Variants in THOC5 observed in about 807,000 individuals in gnomAD.
THOC5 encodes the protein Fms-interacting protein.
Under a neutral mutation model 92.9 loss-of-function variants are expected in THOC5, and 43 were observed. The ratio of observed to expected loss-of-function variants is 0.46; its 90% confidence interval spans 0.36 to 0.60. The LOEUF is 0.60. Among genes scored for constraint, THOC5 ranks in the 20% least tolerant of loss-of-function variants. THOC5 has a pLI of 0.00. For synonymous variants in THOC5, 296 were observed against 320.1 expected, an observed-to-expected ratio of 0.92 and a Z score of 0.80; for missense variants, 659 against 849.4, an observed-to-expected ratio of 0.78 and a Z score of 2.79.
rs1294228676 is a variant in THOC5, at chr22:29,519,043, C to T, written c.1452G>A (p.Gln484=). The T allele has an allele frequency of 6.2e-7, 1 of 1,610,338 alleles. No homozygotes were observed. The highest frequency in any genetic ancestry group is 8.5e-7 in the Non-Finnish European group (1 of 1,178,324). The change falls in exon 15 of 20, where the codon CAG becomes CAA. Residue 484 remains glutamine, a synonymous_variant. Coordinates refer to ENST00000490103, the MANE Select transcript of THOC5 (RefSeq NM_003678.5). ...ACTGTTTGTGGAGGGCCAGGCGGGACTGCACCCTGGTCTTCAGAAGTTTCA... is the reference window on the plus strand; with the variant it reads ...ACTGTTTGTGGAGGGCCAGGCGGGATTGCACCCTGGTCTTCAGAAGTTTCA... The part of the protein sequence containing the change: ...TTMKLLKTRV[Q]SRLALHKQFA...
At chr22:29,526,776 G>A (rs906085584) in intron 11 of THOC5, among the ~76,000 whole-genome samples, 10 of 152,058 alleles carry the variant, frequency 6.6e-5, no homozygotes, top group African/African-American at 1.2e-4. Flanking sequence ...TGATAGCGAC[G>A]ACCTCATCTA....
Position 29,526,259 on chromosome 22 carries a change from G to A in THOC5, c.1067-313C>T, listed in dbSNP as rs993703433. 2.0e-4 allele frequency among the ~76,000 whole-genome samples: 31 copies of A among 152,250 alleles called. 1 individual carries two copies. The highest frequency in any genetic ancestry group is 6.7e-4 in the African/African-American group (28 of 41,546). On this transcript the variant is annotated intron_variant, in intron 11 of 19. Transcript: ENST00000490103. The stretch of plus-strand genomic sequence containing the variant: ...ACTATAAAAACAAAATCGGCCAGGC[G>A]CGGTGGCTCACACCTGTAATCCCAG...
At chr22:29,531,744 C>G in intron 8 of THOC5, 87 bp downstream of exon 8, 1 of 1,529,472 alleles carries the variant, frequency 6.5e-7, no homozygotes, top group Non-Finnish European at 8.8e-7. Context: ...TGAGAAATTT[C>G]CTGAGCAGGT....
At chr22:29,515,482 G>T (rs2063316665) in intron 17 of THOC5, among the ~76,000 whole-genome samples, 1 of 152,108 alleles carries the variant, frequency 6.6e-6, no homozygotes, top group Admixed American at 6.6e-5. Flanking sequence ...GTCTGCAACT[G>T]AACCTGCAAT....
At chr22:29,516,147 G>GAAAA (rs57982377) in intron 17 of THOC5, among the ~76,000 whole-genome samples, 1 of 122,042 alleles carries the variant, frequency 8.2e-6, no homozygotes, top group East Asian at 2.2e-4. Flanking sequence ...TATCTCTACT[G>GAAAA]AAAAAAAAAA....
At chr22:29,516,458 G>A (rs1042271742) in intron 17 of THOC5, among the ~76,000 whole-genome samples, 10 of 152,160 alleles carry the variant, frequency 6.6e-5, no homozygotes, top group Admixed American at 2.0e-4. Context: ...CAGATCCCAC[G>A]GGCAGTGCCA....
At chr22:29,539,502 C>T (rs141825399) in intron 5 of THOC5, 26 bp from the exon 6 acceptor site, 2 of 1,604,236 alleles carry the variant, frequency 1.2e-6, no homozygotes, top group Non-Finnish European at 1.7e-6. Context: ...TGACATCAAG[C>T]TGCTGTTCTC....
chr22:29,531,019 CA>C, intron 8 of THOC5: 1 of 1,020,212 alleles, frequency 9.8e-7, no homozygotes, highest in Non-Finnish European at 1.2e-6. Context: ...TAGCATTCTA[CA>C]AGAACATCAG....
intron 2 of THOC5, among the ~76,000 whole-genome samples, chr22:29,548,832 T>A (rs1216285995): frequency 1.3e-5 from 2 of 152,160 alleles, no homozygotes; most frequent in South Asian, 2.1e-4. Context: ...GGTATAATCA[T>A]GTCTAATACA....
intron 12 of THOC5, 44 bp from the exon 13 acceptor site, chr22:29,521,143 C>T (rs1191842658): frequency 7.0e-7 from 1 of 1,421,220 alleles, no homozygotes; most frequent in Non-Finnish European, 1.0e-6. Flanking sequence ...CAGCCAACAT[C>T]TTTCTTCAAC....
chr22:29,546,775 A>T (rs1271640477), intron 2 of THOC5, among the ~76,000 whole-genome samples: 1 of 149,890 alleles, frequency 6.7e-6, no homozygotes, highest in African/African-American at 2.5e-5. Context: ...CAGGCTACAA[A>T]TTTTCCAAAC....
In THOC5 at chr22:29,508,149, G is replaced by T; in HGVS notation, c.*308C>A. 2.6e-6 allele frequency: 1 copy of T among 389,084 alleles called. No homozygotes were observed. Among genetic ancestry groups the T allele is most frequent in the East Asian group, 4.9e-5 (1 of 20,226 alleles). 24.1% of individuals were successfully genotyped at this position (389,084 alleles called of 1,614,324 possible). On this transcript the variant is annotated 3_prime_UTR_variant, in exon 20 of 20. Coordinates refer to ENST00000490103, the MANE Select transcript of THOC5 (RefSeq NM_003678.5). Reference sequence around the variant, plus strand: ...CCTCACCCCGCAAAGCACAAATAGGGTGTGCGTAGACAAGAGGTGAGCATC... The same window carrying T: ...CCTCACCCCGCAAAGCACAAATAGGTTGTGCGTAGACAAGAGGTGAGCATC...
chr22:29,531,351 C>T (rs1250165626), intron 8 of THOC5: 1 of 985,326 alleles, frequency 1.0e-6, no homozygotes, highest in Non-Finnish European at 1.2e-6. Flanking sequence ...AGCAGAGTCA[C>T]AGGCTGCCCT....
intron 18 of THOC5, among the ~76,000 whole-genome samples, chr22:29,511,644 ACTGCAATGCTGATTAACAG>A (rs1261228792): frequency 1.3e-5 from 2 of 152,248 alleles, no homozygotes; most frequent in East Asian, 1.9e-4. Flanking sequence ...CTGATTAACA[ACTGCAATGCTGATTAACAG>A]CTGCAATGCT....
In THOC5 at chr22:29,541,880, A is replaced by T. The variant is rs1403982008; in HGVS notation, c.452+979T>A. ...CATCTCCAAAAAAAAAAAAAAAAAA[A>T]AAAAAAAAAAAAAATATATATATAT... On this transcript the variant is annotated intron_variant, in intron 5 of 19. Transcript: ENST00000490103. Among the ~76,000 whole-genome samples the T allele has an allele frequency of 4.9e-5, 4 of 81,646 alleles. 1 individual carries two copies. Among genetic ancestry groups the T allele is most frequent in the African/African-American group, 1.6e-4 (4 of 24,524 alleles). 53.6% of individuals were successfully genotyped at this position (81,646 alleles called of 152,430 possible). A position where few individuals can be genotyped will look rare whatever the true frequency, so the allele number is the denominator to read the frequency against.
rs2063347242 is a variant in THOC5, at chr22:29,517,074, C to T, written c.1636G>A (p.Gly546Arg). Residue 546 changes from glycine to arginine, a missense_variant, in exon 17 of 20, where the codon GGG (glycine) becomes AGG (arginine). Transcript: ENST00000490103. ...TKDIVDAGLA[G>R]DTNLYYMALI... ...GCCATGTAGTAGAGATTGGTGTCCC[C>T]AGCCAGTCCCGCATCCACAATGTCT... is the stretch of plus-strand genomic sequence containing the variant. 1 of 1,614,030 alleles carries T rather than the reference C, an allele frequency of 6.2e-7. No homozygotes were observed. The highest frequency in any genetic ancestry group is 1.7e-5 in the Admixed American group (1 of 59,998).
intron 1 of THOC5, among the ~76,000 whole-genome samples, chr22:29,551,789 T>TCCCCCTC (rs1402071777): frequency 1.2e-4 from 9 of 73,876 alleles, no homozygotes; most frequent in Admixed American, 2.9e-4. Context: ...AGTAAACCCC[T>TCCCCCTC]CCCCCTCCCC....
At chr22:29,544,424 C>A in intron 3 of THOC5, 36 bp downstream of exon 3, 1 of 1,602,060 alleles carries the variant, frequency 6.2e-7, no homozygotes. Flanking sequence ...CTATGTAAAC[C>A]CACCAGGTTC....
At chr22:29,518,164 G>A (rs1428024343) in intron 15 of THOC5, among the ~76,000 whole-genome samples, 4 of 152,204 alleles carry the variant, frequency 2.6e-5, no homozygotes, top group Non-Finnish European at 5.9e-5. Context: ...CTCCTGAGTA[G>A]CTGGGAATAC....
Sources: allele counts gnomAD v4.1 joint callset (sites outside exome capture counted in the v4.1 genomes callset), GRCh38; gene constraint gnomAD v4.1.1; transcripts MANE v1.5; gene names NCBI Gene and HGNC (gene_info 2026-07-23, HGNC 2026-07-21).